The following STARD5 variants were observed in gnomAD, a reference collection of about 807,000 sequenced individuals.
STARD5 encodes the protein StAR related lipid transfer domain containing 5.
Under a neutral mutation model 24.6 loss-of-function variants are expected in STARD5, and 26 were observed. That is an observed-to-expected ratio of 1.06 (90% CI 0.77 to 1.47). The LOEUF is 1.47. STARD5 is among the 40% of genes most tolerant of loss of function. The probability of loss-of-function intolerance (pLI) is 0.00; values close to 1 mark genes in which losing one functional copy is unlikely to be tolerated. For missense variants in STARD5, 254 were observed against 270.8 expected (o/e 0.94, Z 0.44); for synonymous variants, 101 against 99.7 (o/e 1.01, Z -0.07).
rs1019392646 is a variant in STARD5, at chr15:81,311,314, T to C, written c.*1942A>G. 2.6e-5 allele frequency: 4 copies of C among 152,248 alleles called. No individual in the cohort carries two copies. The highest frequency in any genetic ancestry group is 1.3e-4 in the Admixed American group (2 of 15,290). The allele number at this position is 152,248 out of a possible 1,614,324, so 9.4% of individuals were successfully genotyped here. On this transcript the variant is annotated 3_prime_UTR_variant, in exon 6 of 6. Transcript: ENST00000302824. ...TTACTGATTCATACATTATCTCACT[T>C]GTGCCAACACTCAAGAAGCAGGCTA... is the stretch of plus-strand genomic sequence containing the variant.
intron 1 of STARD5, chr15:81,323,233 G>A: frequency 6.4e-6 from 3 of 466,648 alleles, no homozygotes; most frequent in Middle Eastern, 5.9e-4. Flanking sequence ...AGCAACCCAG[G>A]GCTACTTAAT....
chr15:81,321,110 G>T (rs142592607), intron 3 of STARD5, among the ~76,000 whole-genome samples: 15 of 152,284 alleles, frequency 9.9e-5, no homozygotes, highest in African/African-American at 3.6e-4. Flanking sequence ...CCAGTAGCCT[G>T]TGCTTCCCCT....
intron 3 of STARD5, among the ~76,000 whole-genome samples, chr15:81,320,250 C>A (rs974270714): frequency 6.6e-6 from 1 of 152,266 alleles, no homozygotes; most frequent in Middle Eastern, 3.4e-3. Flanking sequence ...GTGTCTTTCC[C>A]CTCAGGTATT....
chr15:81,322,071 C>T (rs1893300132), intron 3 of STARD5, among the ~76,000 whole-genome samples: 1 of 152,238 alleles, frequency 6.6e-6, no homozygotes, highest in African/African-American at 2.4e-5. Context: ...TGGGGTCATG[C>T]AGGTACGTGG....
Position 81,322,496 on chromosome 15 carries a change from C to T in STARD5, c.194G>A (p.Trp65Ter). 1 of 1,614,248 alleles carries T rather than the reference C, an allele frequency of 6.2e-7. No homozygotes were observed. The highest frequency in any genetic ancestry group is 8.5e-7 in the Non-Finnish European group (1 of 1,180,042). ...TCCAACAGCTGGCTTCACACAGTCC[C>T]ACACCTCCTCTAGTGTCCCATATAC... The part of the protein sequence containing the change: ...GIVYGTLEEV[W>*]DCVKPAVGGL... The change falls in exon 3 of 6, where the codon TGG becomes TAG. Residue 65 changes from tryptophan to a stop codon, truncating the protein, a stop_gained. Coordinates refer to ENST00000302824, the MANE Select transcript of STARD5 (RefSeq NM_181900.3). LOFTEE classifies it high-confidence loss of function.
In STARD5 at chr15:81,319,393, A is replaced by C. The variant is rs753262475; in HGVS notation, c.346T>G (p.Phe116Val). ...AAMKLISPRD[F>V]VDLVLVKRYE... ...CTCTTGACTAGCACCAAGTCCACAA[A>C]ATCTCTGGGAGAAATGAGCTTCATG... Residue 116 changes from phenylalanine to valine, a missense_variant, in exon 4 of 6, where the codon TTT (phenylalanine) becomes GTT (valine). By Grantham distance (50) the Phe-to-Val change is conservative. Transcript: ENST00000302824. 1.2e-5 allele frequency: 19 copies of C among 1,614,192 alleles called. No homozygotes were observed. In the South Asian group the frequency reaches 2.0e-4, roughly 17 times the overall value.
intron 2 of STARD5, 85 bp from the exon 3 acceptor site, chr15:81,322,625 A>T: frequency 6.3e-7 from 1 of 1,591,528 alleles, no homozygotes; most frequent in Non-Finnish European, 8.6e-7. Context: ...AAGGTGGACC[A>T]TGCCATGTCT....
chr15:81,323,901 A>G (rs1196092683), intron 1 of STARD5, 100 bp downstream of exon 1: 1 of 1,216,254 alleles, frequency 8.2e-7, no homozygotes, highest in East Asian at 2.5e-5. Context: ...GGGATTGGGG[A>G]GCAGAAAACA....
intron 3 of STARD5, among the ~76,000 whole-genome samples, chr15:81,320,097 C>T (rs903715628): frequency 5.9e-5 from 9 of 152,188 alleles, no homozygotes; most frequent in African/African-American, 2.2e-4. Context: ...TGGGCTTTCT[C>T]CCATTCATCC....
chr15:81,323,171 G>A (rs559859063), intron 1 of STARD5: 10 of 567,580 alleles, frequency 1.8e-5, no homozygotes, highest in Middle Eastern at 4.7e-4. Context: ...TCCAAGAGCC[G>A]TGGGTGGTTT....
intron 5 of STARD5, among the ~76,000 whole-genome samples, chr15:81,316,320 C>T (rs1901082173): frequency 6.6e-6 from 1 of 152,128 alleles, no homozygotes; most frequent in South Asian, 2.1e-4. Flanking sequence ...GAACTACTTA[C>T]ATTTGTGTTT....
chr15:81,321,629 T>C (rs1893294140), intron 3 of STARD5, among the ~76,000 whole-genome samples: 1 of 151,652 alleles, frequency 6.6e-6, no homozygotes, highest in Non-Finnish European at 1.5e-5. Context: ...AAAATTAGTC[T>C]CATGATTACA....
chr15:81,318,532 TACA>T, intron 4 of STARD5, 30 bp from the exon 5 acceptor site: 1 of 1,599,036 alleles, frequency 6.3e-7, no homozygotes, highest in East Asian at 2.2e-5. Flanking sequence ...CTCGGTGAGT[TACA>T]ACTTCAGACG....
rs147049158 is a variant in STARD5, at chr15:81,319,451, C to T, written c.288G>A (p.Leu96=). The T allele has an allele frequency of 4.5e-3, 7,250 of 1,614,068 alleles. 141 individuals are homozygous for T. The highest frequency in any genetic ancestry group is 2.7e-3 in the Non-Finnish European group (3,206 of 1,179,938). The change falls in exon 4 of 6, where the codon CTG becomes CTA. Residue 96 remains leucine, a synonymous_variant. Transcript: ENST00000302824. ...FEIIQSITDT[L]CVSRTSTPSA... is the part of the protein sequence containing the mutation. ...AGGGAGTGGAGGTTCTGCTTACACA[C>T]AGGGTCTGCCAAACCAAAGAAGCAT...
chr15:81,315,380 G>A (rs1365542659), intron 5 of STARD5, among the ~76,000 whole-genome samples: 1 of 152,150 alleles, frequency 6.6e-6, no homozygotes, highest in African/African-American at 2.4e-5. Context: ...GCCTTGGTGA[G>A]TGGTAGCTCT....
chr15:81,313,001 G>A lies in STARD5; in HGVS notation c.*255C>T, dbSNP rs1182044893. The A allele has an allele frequency of 3.6e-6, 1 of 278,516 alleles. No individual in the cohort carries two copies. Among genetic ancestry groups the A allele is most frequent in the East Asian group, 7.1e-5 (1 of 13,988 alleles). 17.3% of individuals were successfully genotyped at this position (278,516 alleles called of 1,614,324 possible). A position where few individuals can be genotyped will look rare whatever the true frequency, so the allele number is the denominator to read the frequency against. ...TAGAGGCCTGGGTCTACCCTGCCAG[G>A]AGAGGCGTGTTTGGGTAACAGGCAG... is the stretch of plus-strand genomic sequence containing the variant. On this transcript the variant is annotated 3_prime_UTR_variant, in exon 6 of 6. Coordinates refer to ENST00000302824, the MANE Select transcript of STARD5 (RefSeq NM_181900.3).
chr15:81,310,412 G>A lies in STARD5; in HGVS notation c.*2844C>T, dbSNP rs1596065125. The A allele has an allele frequency of 1.3e-5, 2 of 152,150 alleles. No homozygotes were observed. The highest frequency in any genetic ancestry group is 4.8e-5 in the African/African-American group (2 of 41,412). The allele number at this position is 152,150 out of a possible 1,614,324, so 9.4% of individuals were successfully genotyped here. On this transcript the variant is annotated 3_prime_UTR_variant, in exon 6 of 6. Coordinates refer to ENST00000302824, the MANE Select transcript of STARD5 (RefSeq NM_181900.3). Reference sequence around the variant, plus strand: ...GTTCTATTCATCTCAAGGAATAATGGGCTTAGAGCAGTTTCTGTCCTGCTG... The same window carrying A: ...GTTCTATTCATCTCAAGGAATAATGAGCTTAGAGCAGTTTCTGTCCTGCTG...
rs1901126223 is a variant in STARD5 at position 81,318,419 on chromosome 15, G to C, written c.484C>G (p.Pro162Ala). The change falls in exon 5 of 6, where the codon CCT becomes GCT. Residue 162 changes from proline (P) to alanine (A), a missense_variant. Transcript: ENST00000302824. ...FNHPCGCFCEPLPGEPTKTNL... is the reference protein window; with the variant it reads ...FNHPCGCFCEALPGEPTKTNL... ...GGAAATTATCCTTACCCTGGAAGAG[G>C]TTCACAGAAGCAACCACAAGGATGG... 1 of 1,613,962 alleles carries C rather than the reference G, an allele frequency of 6.2e-7. No individual in the cohort carries two copies. The highest frequency in any genetic ancestry group is 1.3e-5 in the African/African-American group (1 of 74,880).
Position 81,324,135 on chromosome 15 carries a change from GTGTTA to G in STARD5, c.-41_-37del. On this transcript the variant is annotated 5_prime_UTR_variant, in exon 1 of 6. Transcript: ENST00000302824. ...GCTGCGCTTAGCTGCGGGGTCGCGG[GTGTTA>G]TGAGCGGCGGCGCTGGATCCCGGGT... is the stretch of plus-strand genomic sequence containing the variant. The G allele has an allele frequency of 1.5e-6, 2 of 1,305,820 alleles. No homozygotes were observed. The allele number at this position is 1,305,820 out of a possible 1,614,324, so 80.9% of individuals were successfully genotyped here.
Sources: allele counts gnomAD v4.1 joint callset (sites outside exome capture counted in the v4.1 genomes callset), GRCh38; gene constraint gnomAD v4.1.1; transcripts MANE v1.5; gene names NCBI Gene and HGNC (gene_info 2026-07-23, HGNC 2026-07-21).